SIPA1L1: variants seen among roughly 807,000 people sequenced by gnomAD.
SIPA1L1 encodes the protein signal induced proliferation associated 1 like 1, also known as signal-induced proliferation-associated 1-like protein 1.
In SIPA1L1, 26 loss-of-function variants were observed where a neutral mutation model predicts 162.7. That is an observed-to-expected ratio of 0.16 (90% confidence interval 0.12 to 0.22). SIPA1L1 has a LOEUF of 0.22. Among genes scored for constraint, SIPA1L1 ranks in the 10% least tolerant of loss-of-function variants. The pLI is 1.00. For missense variants in SIPA1L1, 1,874 were observed against 2,241.0 expected (o/e 0.84, Z 3.31); for synonymous variants, 829 against 837.4 (o/e 0.99, Z 0.17).
Position 71,738,339 on chromosome 14 carries a change from C to T in SIPA1L1, c.5208+14C>T. ...GATTTGAAGAAGGTAAACATGTATT[C>T]TCAAAGCAAATTGTCCAGTCTGTAC... On this transcript the variant is annotated intron_variant, in intron 23 of 23. Transcript: ENST00000381232. The T allele has an allele frequency of 6.3e-7, 1 of 1,581,954 alleles. No homozygotes were observed. Among genetic ancestry groups the T allele is most frequent in the Non-Finnish European group, 8.7e-7 (1 of 1,151,078 alleles).
At chr14:71,322,019 G>A (rs2033083535) in intron 2 of SIPA1L1, among the ~76,000 whole-genome samples, 1 of 152,194 alleles carries the variant, frequency 6.6e-6, no homozygotes, top group South Asian at 2.1e-4. Context: ...TTCCTGACGG[G>A]TAGTTTAGAG....
At chr14:71,390,626 G>T (rs1566964046) in intron 2 of SIPA1L1, among the ~76,000 whole-genome samples, 1 of 151,212 alleles carries the variant, frequency 6.6e-6, no homozygotes, top group Non-Finnish European at 1.5e-5. Context: ...AAAAAAAGAA[G>T]AAAAAAAAAT....
chr14:71,323,030 C>T (rs79942796), intron 2 of SIPA1L1, among the ~76,000 whole-genome samples: 9,041 of 152,288 alleles, frequency 0.059, 620 homozygotes, highest in African/African-American at 0.17. Context: ...ATACTTTGTA[C>T]TGAGATTCAT....
intron 5 of SIPA1L1, among the ~76,000 whole-genome samples, chr14:71,605,987 T>A (rs1268328865): frequency 1.3e-5 from 2 of 152,142 alleles, no homozygotes; most frequent in Non-Finnish European, 2.9e-5. Flanking sequence ...CTAAGTGGTG[T>A]GCACTGGTGT....
intron 20 of SIPA1L1, 76 bp downstream of exon 20, chr14:71,730,377 T>G: frequency 6.5e-7 from 1 of 1,543,902 alleles, no homozygotes; most frequent in Non-Finnish European, 8.8e-7. Context: ...CTGCCACTCA[T>G]GTGCTCAGAG....
chr14:71,496,413 A>G (rs1375616966), intron 2 of SIPA1L1, among the ~76,000 whole-genome samples: 3 of 152,036 alleles, frequency 2.0e-5, no homozygotes, highest in Non-Finnish European at 2.9e-5. Context: ...TTGATTTTCA[A>G]GTATTTGGAG....
intron 17 of SIPA1L1, among the ~76,000 whole-genome samples, chr14:71,718,020 A>G (rs549818241): frequency 6.6e-6 from 1 of 152,318 alleles, no homozygotes; most frequent in African/African-American, 2.4e-5. Context: ...ACAATATGGA[A>G]CTGGATTTTG....
At chr14:71,608,475 TC>T (rs1009307026) in intron 5 of SIPA1L1, among the ~76,000 whole-genome samples, 1 of 152,170 alleles carries the variant, frequency 6.6e-6, no homozygotes, top group Non-Finnish European at 1.5e-5. Flanking sequence ...TAATTTTTTT[TC>T]CTAAGCTAAT....
chr14:71,526,891 C>G (rs2052932374), intron 3 of SIPA1L1, among the ~76,000 whole-genome samples: 1 of 152,098 alleles, frequency 6.6e-6, no homozygotes. Context: ...AGTGGAATTG[C>G]TAGGTTGCAG....
chr14:71,547,180 A>C (rs906968451), intron 4 of SIPA1L1, among the ~76,000 whole-genome samples: 2 of 151,900 alleles, frequency 1.3e-5, no homozygotes, highest in African/African-American at 4.8e-5. Flanking sequence ...TTAGAAACTC[A>C]AATGTTTTTG....
intron 19 of SIPA1L1, 134 bp downstream of exon 19, chr14:71,724,969 C>T: frequency 1.3e-6 from 1 of 744,392 alleles, no homozygotes; most frequent in South Asian, 1.8e-5. Context: ...CTGCTATCAT[C>T]CCATTTCCCT....
intron 4 of SIPA1L1, among the ~76,000 whole-genome samples, chr14:71,565,724 C>G (rs1393394544): frequency 6.6e-6 from 1 of 152,048 alleles, no homozygotes; most frequent in Non-Finnish European, 1.5e-5. Context: ...TTACTGATCT[C>G]TCATTACTTT....
At chr14:71,711,637 T>A (rs1227148727) in intron 17 of SIPA1L1, among the ~76,000 whole-genome samples, 1 of 152,192 alleles carries the variant, frequency 6.6e-6, no homozygotes, top group East Asian at 1.9e-4. Context: ...AAGCACAGAA[T>A]GTGCGGCTGT....
At chr14:71,542,392 C>CCTGCTG (rs1225056411) in intron 4 of SIPA1L1, among the ~76,000 whole-genome samples, 1 of 148,012 alleles carries the variant, frequency 6.8e-6, no homozygotes, top group East Asian at 2.0e-4. Context: ...GCTGCTTCTT[C>CCTGCTG]CTGCTGCTGC....
intron 4 of SIPA1L1, chr14:71,586,229 T>A (rs1437114064): frequency 6.6e-6 from 1 of 151,012 alleles, no homozygotes; most frequent in East Asian, 1.9e-4. Context: ...GCATGCATTT[T>A]TTTTTTTTTT....
chr14:71,471,835 C>T (rs1478629747), intron 2 of SIPA1L1, among the ~76,000 whole-genome samples: 1 of 152,082 alleles, frequency 6.6e-6, no homozygotes, highest in East Asian at 1.9e-4. Flanking sequence ...CTCTGGATGG[C>T]ATTTAAATCT....
intron 9 of SIPA1L1, among the ~76,000 whole-genome samples, chr14:71,659,752 G>A (rs1289109940): frequency 1.3e-5 from 2 of 152,142 alleles, no homozygotes; most frequent in Admixed American, 1.3e-4. Flanking sequence ...TAAATGAGTT[G>A]AAGTGGTAGG....
intron 2 of SIPA1L1, among the ~76,000 whole-genome samples, chr14:71,376,538 T>A (rs142336127): frequency 5.2e-4 from 79 of 152,134 alleles, no homozygotes; most frequent in Middle Eastern, 3.4e-3. Context: ...TTCTTTTTAA[T>A]CTCACCAGCA....
chr14:71,513,984 G>C (rs1315419971), intron 3 of SIPA1L1, among the ~76,000 whole-genome samples: 1 of 152,106 alleles, frequency 6.6e-6, no homozygotes, highest in East Asian at 1.9e-4. Context: ...GAATCCGTAC[G>C]GGTCTGCAGC....
Sources: gnomAD v4.1 joint callset for allele counts (sites outside exome capture counted in the v4.1 genomes callset) on GRCh38, gnomAD v4.1.1 for gene constraint, MANE v1.5 for transcripts, NCBI Gene and HGNC (gene_info 2026-07-23, HGNC 2026-07-21) for gene names.